The following LILRA5 variants were observed in gnomAD, a reference collection of about 807,000 sequenced individuals.
LILRA5 encodes the protein leukocyte immunoglobulin like receptor A5.
A neutral mutation model predicts 36.3 loss-of-function variants in LILRA5; 31 were observed. The observed-to-expected ratio is 0.85, with a 90% confidence interval of 0.64 to 1.15. LILRA5 has a LOEUF of 1.15. LILRA5 is among the 50% of genes most tolerant of loss of function. LILRA5 has a pLI of 0.00. For synonymous variants in LILRA5, 144 were observed against 144.8 expected (o/e 0.99, Z 0.04); for missense variants, 348 against 377.4 (o/e 0.92, Z 0.64).
Position 54,313,119 on chromosome 19 carries a change from G to T in LILRA5, c.-100C>A. 7.3e-7 allele frequency: 1 copy of T among 1,371,226 alleles called. No homozygotes were observed. The highest frequency in any genetic ancestry group is 1.0e-6 in the Non-Finnish European group (1 of 966,656). The allele number at this position is 1,371,226 out of a possible 1,614,324, so 84.9% of individuals were successfully genotyped here. A position where few individuals can be genotyped will look rare whatever the true frequency, so the allele number is the denominator to read the frequency against. ...AGAGACACATCTGACACCTGGCTGT[G>T]TAGCCCAGGCTGAGCTGCATGTGGC... On this transcript the variant is annotated 5_prime_UTR_variant, in exon 1 of 7. An upstream open reading frame in the 5' UTR gains an earlier in-frame stop. Coordinates refer to ENST00000432233, the MANE Select transcript of LILRA5 (RefSeq NM_021250.4).
chr19:54,309,160 T>C (rs1452364805), intron 5 of LILRA5: 2 of 152,104 alleles, frequency 1.3e-5, no homozygotes, highest in Non-Finnish European at 2.9e-5. Flanking sequence ...GTGTATATCT[T>C]ACTTAGAAAT....
Position 54,307,266 on chromosome 19 carries a change from A to AT in LILRA5, c.*146_*147insA. ...TCAAAAAAAAAAAAAAAAAAAAAAA[A>AT]GAAAGAAAAGAAAAGAAAGAAAAAA... On this transcript the variant is annotated 3_prime_UTR_variant, in exon 7 of 7. Coordinates refer to ENST00000432233, the MANE Select transcript of LILRA5 (RefSeq NM_021250.4). The AT allele has an allele frequency of 1.4e-5, 7 of 501,412 alleles. No homozygotes were observed. The highest frequency in any genetic ancestry group is 8.7e-5 in the Admixed American group (2 of 23,116). The allele number at this position is 501,412 out of a possible 1,614,324, so 31.1% of individuals were successfully genotyped here. A position where few individuals can be genotyped will look rare whatever the true frequency, so the allele number is the denominator to read the frequency against.
intron 5 of LILRA5, chr19:54,310,410 G>C (rs1315847434): frequency 6.5e-6 from 1 of 154,022 alleles, no homozygotes; most frequent in Non-Finnish European, 1.4e-5. Context: ...AGAGAGAGGA[G>C]ATTCTAAACA....
At chr19:54,310,528 C>T (rs2080987725) in intron 5 of LILRA5, 1 of 157,636 alleles carries the variant, frequency 6.3e-6, no homozygotes, top group African/African-American at 2.4e-5. Context: ...AGCTGCCCCT[C>T]TTGGCTTTCT....
At chr19:54,307,658 T>C in intron 6 of LILRA5, 40 bp downstream of exon 6, 8 of 1,612,880 alleles carry the variant, frequency 5.0e-6, no homozygotes, top group Non-Finnish European at 6.8e-6. Flanking sequence ...GACCTGACCC[T>C]CTGTGCCAGT....
Position 54,312,124 on chromosome 19 carries a change from C to T in LILRA5, c.149G>A (p.Trp50Ter). ...QAGNLSKATL[W>*]AEPGSVISRG... ...GCTGATCACAGAGCCTGGCTCAGCC[C>T]AGAGGGTGGCTTTGGAGAGGTTCCC... is the stretch of plus-strand genomic sequence containing the variant. Residue 50 changes from tryptophan (W) to a stop codon, truncating the protein, a stop_gained, in exon 4 of 7, where the codon TGG becomes TAG. Transcript: ENST00000432233. LOFTEE classifies it high-confidence loss of function. 2 of 1,614,044 alleles carry T rather than the reference C, an allele frequency of 1.2e-6. No individual in the cohort carries two copies.
chr19:54,309,396 C>T (rs1761464), intron 5 of LILRA5: 65,767 of 151,908 alleles, frequency 0.43, 14,838 homozygotes, highest in Non-Finnish European at 0.51. Flanking sequence ...ACCCAGGAGG[C>T]GGAGCTTGCA....
At chr19:54,308,913 T>C (rs1402040210) in intron 5 of LILRA5, 1 of 152,172 alleles carries the variant, frequency 6.6e-6, no homozygotes, top group African/African-American at 2.4e-5. Flanking sequence ...TAAATATGTA[T>C]ATATGTAAAA....
At chr19:54,308,363 ATAT>A (rs2080931899) in intron 5 of LILRA5, 3 of 15,900 alleles carry the variant, frequency 1.9e-4, no homozygotes, top group African/African-American at 3.0e-4. Flanking sequence ...AAATATATAT[ATAT>A]ATATATATAT....
At chr19:54,307,664 C>G (rs1313447351) in intron 6 of LILRA5, 34 bp downstream of exon 6, 2 of 1,613,116 alleles carry the variant, frequency 1.2e-6, no homozygotes, top group South Asian at 2.2e-5. Context: ...ACCCTCTGTG[C>G]CAGTTCCATA....
chr19:54,308,377 ATATATAT>A (rs2080935825), intron 5 of LILRA5: 14 of 65,500 alleles, frequency 2.1e-4, no homozygotes, highest in Non-Finnish European at 3.7e-4. Context: ...ATATATATAT[ATATATAT>A]ATATATATAT....
At chr19:54,307,610 C>T in intron 6 of LILRA5, 61 bp from the exon 7 acceptor site, 7 of 1,613,644 alleles carry the variant, frequency 4.3e-6, no homozygotes, top group Non-Finnish European at 5.9e-6. Flanking sequence ...CCCAGGACCC[C>T]TGGATGTCTC....
At chr19:54,311,193 T>G in intron 5 of LILRA5, 4 of 1,290,598 alleles carry the variant, frequency 3.1e-6, no homozygotes, top group Non-Finnish European at 4.1e-6. Flanking sequence ...TGACATCAGG[T>G]GATCCACCTG....
intron 3 of LILRA5, 40 bp downstream of exon 3, chr19:54,312,295 T>C (rs199741034): frequency 1.5e-5 from 24 of 1,605,960 alleles, no homozygotes; most frequent in African/African-American, 4.0e-5. Context: ...TTTGTCCCCA[T>C]TGAGGAGGAG....
intron 5 of LILRA5, chr19:54,309,969 GGC>G: frequency 3.5e-6 from 1 of 289,122 alleles, no homozygotes; most frequent in Non-Finnish European, 6.8e-6. Context: ...GCACAGGAGG[GGC>G]GGTGTGAGTG....
At position 54,311,633 on chromosome 19, in the gene LILRA5, G is replaced by A. The variant is rs191598155; in HGVS notation, c.493C>T (p.Arg165Trp). ...GENVTLQCGS[R>W]LRFDRFILTE... The stretch of plus-strand genomic sequence containing the variant: ...AGAATGAACCTGTCGAATCTCAGCC[G>A]TGAGCCACACTGGAGGGTCACGTTC... Residue 165 changes from arginine (R) to tryptophan (W), a missense_variant, in exon 5 of 7, where the codon CGG (arginine) becomes TGG (tryptophan). Coordinates refer to ENST00000432233, the MANE Select transcript of LILRA5 (RefSeq NM_021250.4). 22 of 1,614,062 alleles carry A rather than the reference G, an allele frequency of 1.4e-5. No individual in the cohort carries two copies. The highest frequency in any genetic ancestry group is 1.1e-4 in the East Asian group (5 of 44,888).
chr19:54,307,218 TG>T lies in LILRA5; in HGVS notation c.*194del. On this transcript the variant is annotated 3_prime_UTR_variant, in exon 7 of 7. Transcript: ENST00000432233. ...CAGATTGCGCCACTGCATTCCAGCCTGGTGACAGAGCAAGACTCCATCTCAA... is the reference window on the plus strand; with the variant it reads ...CAGATTGCGCCACTGCATTCCAGCCTGTGACAGAGCAAGACTCCATCTCAA... 2.5e-6 allele frequency: 1 copy of T among 398,328 alleles called. No homozygotes were observed. The highest frequency in any genetic ancestry group is 3.9e-6 in the Non-Finnish European group (1 of 255,392). 24.7% of individuals were successfully genotyped at this position (398,328 alleles called of 1,614,324 possible). A position where few individuals can be genotyped will look rare whatever the true frequency, so the allele number is the denominator to read the frequency against.
rs1056151262 is a variant in LILRA5 at position 54,311,467 on chromosome 19, T to C, written c.659A>G (p.His220Arg). 2.5e-6 allele frequency: 4 copies of C among 1,614,018 alleles called. No homozygotes were observed. In the African/African-American group the frequency reaches 4.0e-5, roughly 16 times the overall value. ...WMLRCYGSRR[H>R]ILQVWSEPSD... is the part of the protein sequence containing the mutation. Reference sequence around the variant, plus strand: ...GGGTTCTGACCATACCTGCAGGATATGCCTGCGAGAGCCATAGCATCTGAG... The same window carrying C: ...GGGTTCTGACCATACCTGCAGGATACGCCTGCGAGAGCCATAGCATCTGAG... Residue 220 changes from histidine to arginine, a missense_variant, in exon 5 of 7, where the codon CAT (histidine) becomes CGT (arginine). Physicochemically the swap from His to Arg is conservative, Grantham distance 29. Coordinates refer to ENST00000432233, the MANE Select transcript of LILRA5 (RefSeq NM_021250.4).
Position 54,311,676 on chromosome 19 carries a change from A to G in LILRA5, c.450T>C (p.Pro150=), listed in dbSNP as rs2081020113. The change falls in exon 5 of 7, where the codon CCT becomes CCC. Residue 150 remains proline, a synonymous_variant. Transcript: ENST00000432233. ...TCACGTTCTCTCCTGAGGTCACCAC[A>G]GGACTGGGCAGGGCTGAGAGGGTGG... ...NKPTLSALPS[P]VVTSGENVTL... 6.2e-7 allele frequency: 1 copy of G among 1,613,928 alleles called. No individual in the cohort carries two copies. Among genetic ancestry groups the G allele is most frequent in the Non-Finnish European group, 8.5e-7 (1 of 1,179,916 alleles).
Sources: allele counts gnomAD v4.1 joint callset, GRCh38; gene constraint gnomAD v4.1.1; transcripts MANE v1.5; gene names NCBI Gene and HGNC (gene_info 2026-07-23, HGNC 2026-07-21).